SNTB2: variants seen among roughly 807,000 people sequenced by gnomAD.
SNTB2 encodes the protein syntrophin beta 2, also known as beta-2-syntrophin.
A neutral mutation model predicts 46.2 loss-of-function variants in SNTB2; 34 were observed. The observed-to-expected ratio is 0.74, with a 90% CI of 0.56 to 0.98. The LOEUF (loss-of-function observed/expected upper bound fraction) is 0.98. Ranked by LOEUF, SNTB2 falls within the 50% of genes least tolerant of loss-of-function variation. The probability of loss-of-function intolerance (pLI) is 0.00; values close to 1 mark genes in which losing one functional copy is unlikely to be tolerated. For missense variants in SNTB2, 603 were observed against 731.4 expected (o/e 0.82, Z 2.02); for synonymous variants, 290 against 312.6 (o/e 0.93, Z 0.76).
intron 5 of SNTB2, among the ~76,000 whole-genome samples, chr16:69,292,095 T>C (rs571329862): frequency 6.7e-6 from 1 of 150,060 alleles, no homozygotes; most frequent in East Asian, 2.0e-4. Flanking sequence ...GGCAGGTGCC[T>C]GTGTGGTGGC....
At chr16:69,296,638 C>T (rs1965227482) in intron 5 of SNTB2, among the ~76,000 whole-genome samples, 1 of 148,404 alleles carries the variant, frequency 6.7e-6, no homozygotes, top group East Asian at 2.0e-4. Flanking sequence ...AGGAGAATTG[C>T]TTGAGCCCAG....
At chr16:69,280,828 C>G (rs1331159844) in intron 4 of SNTB2, among the ~76,000 whole-genome samples, 2 of 148,878 alleles carry the variant, frequency 1.3e-5, no homozygotes, top group African/African-American at 4.9e-5. Context: ...GACGGAGTCT[C>G]GCTCTGTTGC....
At chr16:69,201,982 G>A (rs1350800461) in intron 1 of SNTB2, among the ~76,000 whole-genome samples, 1 of 152,078 alleles carries the variant, frequency 6.6e-6, no homozygotes, top group African/African-American at 2.4e-5. Context: ...AAGCTGATAG[G>A]GCCCTGACTC....
At chr16:69,207,259 T>C (rs1018681693) in intron 1 of SNTB2, among the ~76,000 whole-genome samples, 3 of 151,344 alleles carry the variant, frequency 2.0e-5, no homozygotes, top group African/African-American at 4.9e-5. Flanking sequence ...GTTCAAGTGA[T>C]TCTCCTGCCT....
intron 2 of SNTB2, among the ~76,000 whole-genome samples, chr16:69,259,757 C>G: frequency 6.6e-6 from 1 of 151,540 alleles, no homozygotes; most frequent in South Asian, 2.1e-4. Flanking sequence ...TTACAGGCAC[C>G]CACCACCATG....
intron 2 of SNTB2, among the ~76,000 whole-genome samples, chr16:69,254,702 G>A (rs1264562481): frequency 6.6e-6 from 1 of 152,240 alleles, no homozygotes. Flanking sequence ...GAGGGACCAA[G>A]CACAGTGGCT....
intron 1 of SNTB2, among the ~76,000 whole-genome samples, chr16:69,236,674 CAA>C (rs1358176091): frequency 1.6e-4 from 19 of 119,338 alleles, no homozygotes; most frequent in Admixed American, 2.6e-4. Context: ...TTTACAATTA[CAA>C]AAAAAAAAAA....
chr16:69,247,230 G>A lies in SNTB2; in HGVS notation c.794+1415G>A, dbSNP rs539853890. 5.3e-5 allele frequency among the ~76,000 whole-genome samples: 8 copies of A among 152,140 alleles called. No individual in the cohort carries two copies. In the East Asian group the frequency reaches 1.5e-3, roughly 29 times the overall value. The stretch of plus-strand genomic sequence containing the variant: ...GGCAAGTTAGCTTCCCTTGACCTCA[G>A]TTTCCTCATTTGCAAAATGAGAAAA... On this transcript the variant is annotated intron_variant, in intron 2 of 6. Transcript: ENST00000336278.
rs1965310953 is a variant in SNTB2 at position 69,305,703 on chromosome 16, A to G, written c.*4779A>G. 1 of 150,378 alleles carries G rather than the reference A, an allele frequency of 6.6e-6. No individual in the cohort carries two copies. Among genetic ancestry groups the G allele is most frequent in the Non-Finnish European group, 1.5e-5 (1 of 67,802 alleles). 9.3% of individuals were successfully genotyped at this position (150,378 alleles called of 1,614,324 possible). Reference sequence around the variant, plus strand: ...ATGACATTAATTACCAGGTGGTATTATACTCTACTTTGAGTTTGGACATCA... The same window carrying G: ...ATGACATTAATTACCAGGTGGTATTGTACTCTACTTTGAGTTTGGACATCA... On this transcript the variant is annotated 3_prime_UTR_variant, in exon 7 of 7. Transcript: ENST00000336278.
chr16:69,296,654 G>A (rs557457774), intron 5 of SNTB2, among the ~76,000 whole-genome samples: 7 of 148,570 alleles, frequency 4.7e-5, no homozygotes, highest in Admixed American at 1.3e-4. Flanking sequence ...CCCAGGAGAC[G>A]GAGGTTGCAG....
chr16:69,250,197 G>T (rs570536173), intron 2 of SNTB2, among the ~76,000 whole-genome samples: 2 of 152,160 alleles, frequency 1.3e-5, no homozygotes, highest in African/African-American at 4.8e-5. Flanking sequence ...ATTTCCATGC[G>T]TTTTTTAGAC....
At chr16:69,245,387 G>A (rs1480631044) in intron 1 of SNTB2, among the ~76,000 whole-genome samples, 1 of 152,044 alleles carries the variant, frequency 6.6e-6, no homozygotes, top group Non-Finnish European at 1.5e-5. Context: ...TAGAGATGGG[G>A]TTTCACTACG....
At chr16:69,283,296 T>A (rs1338388939) in intron 4 of SNTB2, among the ~76,000 whole-genome samples, 1 of 152,236 alleles carries the variant, frequency 6.6e-6, no homozygotes, top group Non-Finnish European at 1.5e-5. Context: ...ATTTTTAAAA[T>A]GTAGACAGTC....
chr16:69,217,012 T>A (rs1463141735), intron 1 of SNTB2, among the ~76,000 whole-genome samples: 2 of 152,128 alleles, frequency 1.3e-5, no homozygotes, highest in Admixed American at 6.6e-5. Flanking sequence ...CTGACTTAAA[T>A]ATTGATCCCT....
At chr16:69,214,561 C>G (rs1964327607) in intron 1 of SNTB2, among the ~76,000 whole-genome samples, 1 of 152,112 alleles carries the variant, frequency 6.6e-6, no homozygotes, top group Non-Finnish European at 1.5e-5. Flanking sequence ...GAGTCTCGCT[C>G]TGTCGCCCAG....
chr16:69,256,267 G>A (rs538528768), intron 2 of SNTB2, among the ~76,000 whole-genome samples: 50 of 152,034 alleles, frequency 3.3e-4, no homozygotes, highest in Admixed American at 6.6e-4. Flanking sequence ...TGATTTCCCC[G>A]CCTCAGCCTC....
At position 69,304,648 on chromosome 16, in the gene SNTB2, A is replaced by G. The variant is rs1965302226; in HGVS notation, c.*3724A>G. 6.6e-6 allele frequency: 1 copy of G among 152,050 alleles called. No homozygotes were observed. The allele number at this position is 152,050 out of a possible 1,614,324, so 9.4% of individuals were successfully genotyped here. A position where few individuals can be genotyped will look rare whatever the true frequency, so the allele number is the denominator to read the frequency against. On this transcript the variant is annotated 3_prime_UTR_variant, in exon 7 of 7. Transcript: ENST00000336278. ...AATGAATGCACTTAGCTGATAAACC[A>G]GAATTTGTTCTTTTTTTTCCTTCTT... is the stretch of plus-strand genomic sequence containing the variant.
At chr16:69,282,517 G>T (rs1965059836) in intron 4 of SNTB2, among the ~76,000 whole-genome samples, 1 of 152,100 alleles carries the variant, frequency 6.6e-6, no homozygotes, top group African/African-American at 2.4e-5. Flanking sequence ...GTTGAGTGGT[G>T]CCAGTATACA....
chr16:69,215,221 G>A (rs1964335063), intron 1 of SNTB2, among the ~76,000 whole-genome samples: 1 of 152,078 alleles, frequency 6.6e-6, no homozygotes, highest in South Asian at 2.1e-4. Context: ...CTGTCTCTAT[G>A]AAAATATTAA....
Sources: gnomAD v4.1 joint callset for allele counts (sites outside exome capture counted in the v4.1 genomes callset) on GRCh38, gnomAD v4.1.1 for gene constraint, MANE v1.5 for transcripts, NCBI Gene and HGNC (gene_info 2026-07-23, HGNC 2026-07-21) for gene names.